Variants in ADAMTS17 observed in about 807,000 individuals in gnomAD.
The protein encoded by ADAMTS17 is ADAM metallopeptidase with thrombospondin type 1 motif 17, also known as A disintegrin and metalloproteinase with thrombospondin motifs 17.
ADAMTS17 carries 113 observed loss-of-function variants against 141.5 expected under a neutral mutation model. The ratio of observed to expected loss-of-function variants is 0.80; its 90% CI spans 0.69 to 0.93. The LOEUF (loss-of-function observed/expected upper bound fraction) is 0.93, where lower values mean the gene tolerates loss of function less well. Among genes scored for constraint, ADAMTS17 ranks in the 40% least tolerant of loss-of-function variants. ADAMTS17 has a pLI of 0.00. For missense variants in ADAMTS17, 1,659 were observed against 1,517.9 expected (o/e 1.09, Z -1.54); for synonymous variants, 768 against 630.6 (o/e 1.22, Z -3.27).
intron 3 of ADAMTS17, among the ~76,000 whole-genome samples, chr15:100,318,504 C>T (rs1023746253): frequency 3.3e-5 from 5 of 152,112 alleles, no homozygotes; most frequent in Admixed American, 2.6e-4. Flanking sequence ...AGAGAAGGCA[C>T]CATCTGTGAA....
In ADAMTS17 at chr15:99,973,162, G is replaced by A. The variant is rs2060247045; in HGVS notation, c.*1240C>T. 1.1e-5 allele frequency: 1 copy of A among 88,540 alleles called. No individual in the cohort carries two copies. 5.5% of individuals were successfully genotyped at this position (88,540 alleles called of 1,614,324 possible). A position where few individuals can be genotyped will look rare whatever the true frequency, so the allele number is the denominator to read the frequency against. ...CCAGGCGTAAGGGGGCTGCAGGGGG[G>A]AAGGACCTTCCTTCATCATGCATCA... On this transcript the variant is annotated 3_prime_UTR_variant, in exon 22 of 22. Transcript: ENST00000268070.
At chr15:100,114,773 C>CA (rs1472515378) in intron 13 of ADAMTS17, among the ~76,000 whole-genome samples, 1 of 152,174 alleles carries the variant, frequency 6.6e-6, no homozygotes, top group Non-Finnish European at 1.5e-5. Flanking sequence ...AGCCACACCG[C>CA]AAGGCTTCCT....
chr15:100,279,968 C>A (rs1335266469), intron 4 of ADAMTS17, among the ~76,000 whole-genome samples: 2 of 152,188 alleles, frequency 1.3e-5, no homozygotes, highest in African/African-American at 4.8e-5. Flanking sequence ...TTCAGGACAA[C>A]CTCCTCCCAG....
At chr15:100,335,906 T>A (rs2046194963) in intron 2 of ADAMTS17, among the ~76,000 whole-genome samples, 1 of 152,204 alleles carries the variant, frequency 6.6e-6, no homozygotes, top group African/African-American at 2.4e-5. Context: ...TGGGGACCTG[T>A]GCACAGAAGC....
At chr15:100,054,345 TA>T (rs1240033441) in intron 15 of ADAMTS17, among the ~76,000 whole-genome samples, 5 of 152,168 alleles carry the variant, frequency 3.3e-5, no homozygotes, top group Non-Finnish European at 7.4e-5. Context: ...TAGCTGGGGT[TA>T]GGGGTGGAGG....
intron 3 of ADAMTS17, chr15:100,305,818 C>G (rs1197385593): frequency 6.6e-6 from 1 of 152,302 alleles, no homozygotes; most frequent in Non-Finnish European, 1.5e-5. Flanking sequence ...CAGTTCAAGA[C>G]CAGCCTAGGC....
chr15:100,044,642 T>G (rs1250275168), intron 18 of ADAMTS17, among the ~76,000 whole-genome samples: 2 of 152,184 alleles, frequency 1.3e-5, no homozygotes. Flanking sequence ...AACATACATG[T>G]CATCTTCCAG....
chr15:100,052,646 C>T, intron 16 of ADAMTS17, among the ~76,000 whole-genome samples: 1 of 152,196 alleles, frequency 6.6e-6, no homozygotes, highest in East Asian at 1.9e-4. Flanking sequence ...TTATGTTTTG[C>T]CTCCTCTCTT....
intron 18 of ADAMTS17, among the ~76,000 whole-genome samples, chr15:100,004,997 C>T (rs991291063): frequency 6.6e-6 from 1 of 152,250 alleles, no homozygotes; most frequent in African/African-American, 2.4e-5. Context: ...ATCAAGTGAT[C>T]TGCCTGCCTC....
intron 20 of ADAMTS17, among the ~76,000 whole-genome samples, chr15:99,985,407 C>T (rs1433275790): frequency 1.3e-5 from 2 of 152,180 alleles, no homozygotes; most frequent in East Asian, 3.9e-4. Flanking sequence ...AAATATTCTT[C>T]AATAAGGACT....
chr15:100,186,912 G>C (rs1319768008), intron 8 of ADAMTS17, among the ~76,000 whole-genome samples: 1 of 152,172 alleles, frequency 6.6e-6, no homozygotes, highest in Non-Finnish European at 1.5e-5. Flanking sequence ...TATGCCATTT[G>C]TCTCATTTCC....
At chr15:100,167,306 A>G (rs2039987965) in intron 8 of ADAMTS17, among the ~76,000 whole-genome samples, 1 of 152,212 alleles carries the variant, frequency 6.6e-6, no homozygotes, top group African/African-American at 2.4e-5. Flanking sequence ...GAGAACAATT[A>G]GTGGCCAGGT....
chr15:100,194,596 T>A (rs1596243578), intron 8 of ADAMTS17, among the ~76,000 whole-genome samples: 1 of 152,226 alleles, frequency 6.6e-6, no homozygotes, highest in African/African-American at 2.4e-5. Flanking sequence ...CTACTCATCA[T>A]CAGGGGTCAG....
intron 14 of ADAMTS17, among the ~76,000 whole-genome samples, chr15:100,103,574 CTT>C (rs11411616): frequency 6.7e-6 from 1 of 150,148 alleles, no homozygotes; most frequent in Non-Finnish European, 1.5e-5. Flanking sequence ...TCCAGCCACT[CTT>C]TTTTTTTCTT....
chr15:100,208,531 G>A (rs942781555), intron 7 of ADAMTS17, among the ~76,000 whole-genome samples: 6 of 152,166 alleles, frequency 3.9e-5, no homozygotes, highest in African/African-American at 1.2e-4. Context: ...AGTCAGGTCA[G>A]TGTTACCCCA....
rs2035744396 is a variant in ADAMTS17, at chr15:100,096,172, G to A, written c.2137+184C>T. On this transcript the variant is annotated intron_variant, in intron 15 of 21. Coordinates refer to ENST00000268070, the MANE Select transcript of ADAMTS17 (RefSeq NM_139057.4). ...TGGCAAACTATTCACTACTAGCAAC[G>A]TGAAGGCATCATTCTTGCTAAAATG... Among the ~76,000 whole-genome samples, 3 of 152,212 alleles carry A rather than the reference G, an allele frequency of 2.0e-5. No homozygotes were observed. The South Asian group carries it at 6.2e-4, about 32-fold the overall frequency.
At chr15:100,125,343 C>T (rs894844535) in intron 12 of ADAMTS17, among the ~76,000 whole-genome samples, 2 of 152,242 alleles carry the variant, frequency 1.3e-5, no homozygotes, top group South Asian at 2.1e-4. Context: ...AATGCCAGAT[C>T]GCTGGCACAT....
At chr15:100,231,272 G>T (rs1261914333) in intron 7 of ADAMTS17, among the ~76,000 whole-genome samples, 1 of 152,192 alleles carries the variant, frequency 6.6e-6, no homozygotes, top group Non-Finnish European at 1.5e-5. Context: ...CTACTTATCA[G>T]ATAATCCAGT....
intron 18 of ADAMTS17, among the ~76,000 whole-genome samples, chr15:100,046,637 T>C (rs1330496123): frequency 2.0e-5 from 3 of 152,246 alleles, no homozygotes; most frequent in Non-Finnish European, 2.9e-5. Flanking sequence ...TTATAATTTC[T>C]TATGCCTGTC....
Sources: allele counts gnomAD v4.1 joint callset (sites outside exome capture counted in the v4.1 genomes callset), GRCh38; gene constraint gnomAD v4.1.1; transcripts MANE v1.5; gene names NCBI Gene and HGNC (gene_info 2026-07-23, HGNC 2026-07-21).